Variants in TRPM3 observed in about 807,000 individuals in gnomAD.
TRPM3 encodes the protein transient receptor potential cation channel subfamily M member 3, also known as long transient receptor potential channel 3.
In TRPM3, 77 loss-of-function variants were observed where a neutral mutation model predicts 181.2. The observed-to-expected ratio is 0.42, with a 90% CI of 0.35 to 0.51. TRPM3 has a LOEUF of 0.51. Among genes scored for constraint, TRPM3 ranks in the 20% least tolerant of loss-of-function variants. The pLI is 0.01. For missense variants in TRPM3, 1,759 were observed against 2,196.7 expected, an observed-to-expected ratio of 0.80 and a Z score of 3.98; for synonymous variants, 745 against 796.4, an observed-to-expected ratio of 0.94 and a Z score of 1.09.
chr9:70,648,994 G>A (rs1589776602), intron 9 of TRPM3, among the ~76,000 whole-genome samples: 1 of 151,850 alleles, frequency 6.6e-6, no homozygotes, highest in South Asian at 2.1e-4. Context: ...TAGACAATGA[G>A]ACCTAATTAA....
intron 6 of TRPM3, among the ~76,000 whole-genome samples, chr9:70,816,348 C>T (rs1307206291): frequency 1.3e-5 from 2 of 152,226 alleles, no homozygotes; most frequent in African/African-American, 4.8e-5. Context: ...ATAAGAATGT[C>T]AAGTTAGATA....
intron 1 of TRPM3, among the ~76,000 whole-genome samples, chr9:70,951,246 TA>T (rs1379402614): frequency 6.6e-6 from 1 of 152,258 alleles, no homozygotes; most frequent in African/African-American, 2.4e-5. Context: ...ACATTTCTTT[TA>T]AAATTATGAC....
chr9:71,295,246 CA>C (rs886139722), intron 1 of TRPM3, among the ~76,000 whole-genome samples: 3 of 151,788 alleles, frequency 2.0e-5, no homozygotes, highest in African/African-American at 7.3e-5. Flanking sequence ...GGTATTCATT[CA>C]AGGGAGATGA....
At chr9:71,296,988 CTTT>C (rs398010878) in intron 1 of TRPM3, among the ~76,000 whole-genome samples, 3 of 97,868 alleles carry the variant, frequency 3.1e-5, no homozygotes, top group African/African-American at 3.8e-5. Flanking sequence ...TGAATCTTTT[CTTT>C]TTTTTTTTTT....
intron 1 of TRPM3, among the ~76,000 whole-genome samples, chr9:71,120,087 C>T (rs1213506946): frequency 6.6e-6 from 1 of 152,190 alleles, no homozygotes; most frequent in Non-Finnish European, 1.5e-5. Flanking sequence ...CTGTCCCCAT[C>T]AAATCTTACC....
At chr9:71,432,219 C>A (rs528763629) in intron 1 of TRPM3, among the ~76,000 whole-genome samples, 2 of 151,688 alleles carry the variant, frequency 1.3e-5, no homozygotes, top group African/African-American at 4.8e-5. Flanking sequence ...CTGTCTCCAT[C>A]GGTGGACCCA....
chr9:71,385,980 T>C (rs2092913945), intron 1 of TRPM3, among the ~76,000 whole-genome samples: 1 of 151,800 alleles, frequency 6.6e-6, no homozygotes, highest in Non-Finnish European at 1.5e-5. Flanking sequence ...GTGCTGGGAT[T>C]ACAGGCGTGA....
chr9:71,417,844 C>A (rs1382796622), intron 1 of TRPM3, among the ~76,000 whole-genome samples: 1 of 151,936 alleles, frequency 6.6e-6, no homozygotes, highest in East Asian at 1.9e-4. Context: ...TCTGTTCTCT[C>A]TTAAAACAAA....
intron 8 of TRPM3, among the ~76,000 whole-genome samples, chr9:70,742,847 T>C (rs542662130): frequency 6.6e-6 from 1 of 152,324 alleles, no homozygotes; most frequent in Admixed American, 6.5e-5. Context: ...ACATGTATTA[T>C]AATCTTCTTC....
At chr9:71,044,159 C>T (rs780868418) in intron 1 of TRPM3, among the ~76,000 whole-genome samples, 11 of 152,106 alleles carry the variant, frequency 7.2e-5, no homozygotes, top group Non-Finnish European at 1.5e-4. Context: ...AGTCACAAGA[C>T]TTTTAAAATT....
intron 1 of TRPM3, among the ~76,000 whole-genome samples, chr9:71,307,818 C>CA (rs2087508346): frequency 6.6e-6 from 1 of 152,102 alleles, no homozygotes; most frequent in African/African-American, 2.4e-5. Context: ...TCACATATTT[C>CA]ATGCAATTTG....
At chr9:71,190,411 A>G (rs2077944237) in intron 1 of TRPM3, among the ~76,000 whole-genome samples, 1 of 151,894 alleles carries the variant, frequency 6.6e-6, no homozygotes, top group African/African-American at 2.4e-5. Context: ...TAATATCCAA[A>G]CATCATATTA....
intron 1 of TRPM3, among the ~76,000 whole-genome samples, chr9:71,373,949 C>T (rs1368051141): frequency 2.6e-5 from 4 of 152,198 alleles, no homozygotes; most frequent in Non-Finnish European, 5.9e-5. Flanking sequence ...ACTTGAAATC[C>T]GTGATGTAAG....
intron 3 of TRPM3, among the ~76,000 whole-genome samples, chr9:70,848,410 G>A (rs1392712637): frequency 1.3e-5 from 2 of 152,020 alleles, no homozygotes; most frequent in African/African-American, 2.4e-5. Flanking sequence ...TGATGGGGAG[G>A]AGGCAATATT....
In TRPM3 at chr9:71,155,464, A is replaced by C. The variant is rs542473434; in HGVS notation, c.184-290953T>G. ...CTCCCAAGTAGCTGAGATTACAGGC[A>C]TGCACCACCATGCTTATTTTTATTT... On this transcript the variant is annotated intron_variant, in intron 1 of 24. Coordinates refer to the TRPM3 transcript ENST00000357533. 5.7e-4 allele frequency among the ~76,000 whole-genome samples: 62 copies of C among 107,986 alleles called. 1 individual carries two copies. Among genetic ancestry groups the C allele is most frequent in the South Asian group, 1.2e-3 (4 of 3,220 alleles). The allele number at this position is 107,986 out of a possible 152,430, so 70.8% of individuals were successfully genotyped here. A position where few individuals can be genotyped will look rare whatever the true frequency, so the allele number is the denominator to read the frequency against.
intron 19 of TRPM3, among the ~76,000 whole-genome samples, chr9:70,604,964 C>CTTTT (rs5898151): frequency 2.3e-5 from 3 of 129,952 alleles, no homozygotes; most frequent in Non-Finnish European, 3.1e-5. Context: ...ATGGATTCTT[C>CTTTT]TTTTTTTTTG....
At chr9:71,370,531 A>G (rs971924397) in intron 1 of TRPM3, among the ~76,000 whole-genome samples, 1 of 152,220 alleles carries the variant, frequency 6.6e-6, no homozygotes, top group Admixed American at 6.5e-5. Flanking sequence ...CCTCATCTAG[A>G]ACACGGCCCT....
intron 17 of TRPM3, 45 bp from the exon 18 acceptor site, chr9:70,616,120 T>C: frequency 6.9e-7 from 1 of 1,441,588 alleles, no homozygotes; most frequent in Non-Finnish European, 9.3e-7. Flanking sequence ...ATTTAAAGGA[T>C]TAAGATTAGG....
chr9:70,564,509 G>T (rs915218082), intron 22 of TRPM3, among the ~76,000 whole-genome samples: 6 of 152,104 alleles, frequency 3.9e-5, no homozygotes, highest in Non-Finnish European at 8.8e-5. Context: ...TGTTGTTTCT[G>T]TTTAAAATGG....
Sources: gnomAD v4.1 joint callset for allele counts (sites outside exome capture counted in the v4.1 genomes callset) on GRCh38, gnomAD v4.1.1 for gene constraint, MANE v1.5 for transcripts, NCBI Gene and HGNC (gene_info 2026-07-23, HGNC 2026-07-21) for gene names.